APBA1: variants seen among roughly 807,000 people sequenced by gnomAD.
The protein encoded by APBA1 is amyloid beta precursor protein binding family A member 1, also known as amyloid-beta A4 precursor protein-binding family A member 1.
A neutral mutation model predicts 86.6 loss-of-function variants in APBA1; 55 were observed. The ratio of observed to expected loss-of-function variants is 0.64; its 90% CI spans 0.51 to 0.80. The LOEUF (loss-of-function observed/expected upper bound fraction) is 0.80. Among genes scored for constraint, APBA1 ranks in the 30% least tolerant of loss-of-function variants. APBA1 has a pLI of 0.00. For missense variants in APBA1, 1,090 were observed against 1,183.0 expected (o/e 0.92, Z 1.15); for synonymous variants, 511 against 493.9 (o/e 1.03, Z -0.46).
intron 1 of APBA1, among the ~76,000 whole-genome samples, chr9:69,560,374 T>C (rs1836929828): frequency 6.6e-6 from 1 of 152,238 alleles, no homozygotes; most frequent in Non-Finnish European, 1.5e-5. Flanking sequence ...ATCTGCCAGA[T>C]GCCCATGCCC....
chr9:69,491,764 A>ATTT (rs151248069), intron 2 of APBA1, among the ~76,000 whole-genome samples: 1 of 132,420 alleles, frequency 7.6e-6, no homozygotes, highest in Admixed American at 7.6e-5. Context: ...TATCCCTTGA[A>ATTT]TTTTTTTTTT....
chr9:69,617,807 G>A (rs1822732866), intron 1 of APBA1, among the ~76,000 whole-genome samples: 1 of 151,994 alleles, frequency 6.6e-6, no homozygotes, highest in South Asian at 2.1e-4. Context: ...GATATACAAT[G>A]GCATTATGTA....
intron 3 of APBA1, chr9:69,472,329 C>T (rs1835379927): frequency 1.3e-5 from 2 of 152,364 alleles, no homozygotes; most frequent in Non-Finnish European, 2.9e-5. Flanking sequence ...CTGTTGGAAG[C>T]AGAGATGATG....
At chr9:69,597,346 C>T (rs1311448645) in intron 1 of APBA1, among the ~76,000 whole-genome samples, 1 of 152,166 alleles carries the variant, frequency 6.6e-6, no homozygotes, top group African/African-American at 2.4e-5. Context: ...GTCCTTCTCC[C>T]ACTTTTTGAT....
At chr9:69,654,706 A>G (rs1823574872) in intron 1 of APBA1, among the ~76,000 whole-genome samples, 1 of 152,244 alleles carries the variant, frequency 6.6e-6, no homozygotes, top group Non-Finnish European at 1.5e-5. Flanking sequence ...TCATTCTACA[A>G]GGCCAGTATT....
intron 1 of APBA1, among the ~76,000 whole-genome samples, chr9:69,532,303 C>T (rs1447263558): frequency 6.6e-6 from 1 of 152,200 alleles, no homozygotes; most frequent in Non-Finnish European, 1.5e-5. Context: ...GAGACTGCTT[C>T]ACTTTAACAA....
intron 1 of APBA1, among the ~76,000 whole-genome samples, chr9:69,548,456 A>C (rs779356851): frequency 1.3e-5 from 2 of 152,218 alleles, no homozygotes; most frequent in Non-Finnish European, 2.9e-5. Context: ...TGTTACAGCA[A>C]CAATAGGAAA....
chr9:69,634,191 A>T (rs1450368947), intron 1 of APBA1, among the ~76,000 whole-genome samples: 1 of 152,204 alleles, frequency 6.6e-6, no homozygotes, highest in Non-Finnish European at 1.5e-5. Flanking sequence ...TCCCCTGGCA[A>T]CGACCATGTG....
rs998321362 is a variant in APBA1, at chr9:69,427,608, G to C, written c.*3719C>G. 7 of 149,006 alleles carry C rather than the reference G, an allele frequency of 4.7e-5. No individual in the cohort carries two copies. Among genetic ancestry groups the C allele is most frequent in the African/African-American group, 1.7e-4 (7 of 40,902 alleles). The allele number at this position is 149,006 out of a possible 1,614,324, so 9.2% of individuals were successfully genotyped here. On this transcript the variant is annotated 3_prime_UTR_variant, in exon 13 of 13. Transcript: ENST00000265381. The stretch of plus-strand genomic sequence containing the variant: ...GCGTTCAGTTAAATAAAGGAAGATA[G>C]ATAGCACAGTAAATACATCACAACC...
chr9:69,580,736 A>G (rs1330473036), intron 1 of APBA1, among the ~76,000 whole-genome samples: 1 of 152,178 alleles, frequency 6.6e-6, no homozygotes, highest in African/African-American at 2.4e-5. Context: ...GGTGTTCCAC[A>G]TGACACATAC....
At chr9:69,524,459 A>G (rs1485783823) in intron 1 of APBA1, among the ~76,000 whole-genome samples, 9 of 152,078 alleles carry the variant, frequency 5.9e-5, no homozygotes, top group Non-Finnish European at 1.2e-4. Context: ...ACACCTCTAT[A>G]CACACAAACT....
At chr9:69,504,172 T>A (rs1205645400) in intron 2 of APBA1, among the ~76,000 whole-genome samples, 1 of 152,054 alleles carries the variant, frequency 6.6e-6, no homozygotes, top group Non-Finnish European at 1.5e-5. Flanking sequence ...TCTTTCTCCC[T>A]CCTGTTCTGA....
Position 69,535,531 on chromosome 9 carries a change from T to C in APBA1, c.-69-18252A>G, listed in dbSNP as rs538604497. The stretch of plus-strand genomic sequence containing the variant: ...GCCACTCAATCTGAAGAGCTGTGTC[T>C]TTCTTCAGCTTTGGGGAATATTCTA... On this transcript the variant is annotated intron_variant, in intron 1 of 12. Coordinates refer to ENST00000265381, the MANE Select transcript of APBA1 (RefSeq NM_001163.4). 8.5e-5 allele frequency among the ~76,000 whole-genome samples: 13 copies of C among 152,338 alleles called. No individual in the cohort carries two copies. The East Asian group carries it at 2.5e-3, about 29-fold the overall frequency.
At chr9:69,485,454 G>T (rs905761799) in intron 2 of APBA1, among the ~76,000 whole-genome samples, 10 of 152,062 alleles carry the variant, frequency 6.6e-5, no homozygotes, top group Non-Finnish European at 1.3e-4. Flanking sequence ...AACTTTCAAA[G>T]AATAATTTGG....
chr9:69,564,794 T>C (rs149504483), intron 1 of APBA1, among the ~76,000 whole-genome samples: 1 of 152,242 alleles, frequency 6.6e-6, no homozygotes, highest in East Asian at 1.9e-4. Context: ...AACACAGAAT[T>C]ACCATGTGAT....
At chr9:69,655,238 T>C (rs1194263641) in intron 1 of APBA1, among the ~76,000 whole-genome samples, 1 of 152,102 alleles carries the variant, frequency 6.6e-6, no homozygotes, top group Non-Finnish European at 1.5e-5. Context: ...ATAAAGGGCA[T>C]CCACATTGGG....
chr9:69,661,554 G>A (rs1266149741), intron 1 of APBA1, among the ~76,000 whole-genome samples: 1 of 152,130 alleles, frequency 6.6e-6, no homozygotes, highest in Non-Finnish European at 1.5e-5. Context: ...ACCCCACAGG[G>A]CCAAGAATGG....
chr9:69,562,528 C>G (rs1836962729), intron 1 of APBA1, among the ~76,000 whole-genome samples: 1 of 152,092 alleles, frequency 6.6e-6, no homozygotes, highest in South Asian at 2.1e-4. Flanking sequence ...GCACACGCCA[C>G]CAAGCCCAGC....
chr9:69,440,931 C>G (rs936401069), intron 11 of APBA1, 65 bp downstream of exon 11: 27 of 1,576,076 alleles, frequency 1.7e-5, no homozygotes, highest in African/African-American at 1.2e-4. Flanking sequence ...GCTCCACCCC[C>G]CCAGCCATGC....
Sources: allele counts gnomAD v4.1 joint callset (sites outside exome capture counted in the v4.1 genomes callset), GRCh38; gene constraint gnomAD v4.1.1; transcripts MANE v1.5; gene names NCBI Gene and HGNC (gene_info 2026-07-23, HGNC 2026-07-21).